The following MTHFD1L variants were observed in gnomAD, a reference collection of about 807,000 sequenced individuals.
MTHFD1L encodes monofunctional C1-tetrahydrofolate synthase, mitochondrial.
MTHFD1L carries 81 observed loss-of-function variants against 119.5 expected under a neutral mutation model. The ratio of observed to expected loss-of-function variants is 0.68; its 90% CI spans 0.57 to 0.82. The LOEUF is 0.82. MTHFD1L is among the 40% of genes least tolerant of loss of function. The pLI is 0.00. For missense variants in MTHFD1L, 1,125 were observed against 1,253.4 expected, an observed-to-expected ratio of 0.90 and a Z score of 1.55; for synonymous variants, 430 against 475.2, an observed-to-expected ratio of 0.90 and a Z score of 1.24.
chr6:150,985,281 G>C (rs2128429338), intron 20 of MTHFD1L: 1 of 152,178 alleles, frequency 6.6e-6, no homozygotes, highest in Middle Eastern at 3.4e-3. Context: ...TCTGATAATG[G>C]GAAACAGTGC....
At chr6:151,099,213 C>T (rs532602816) in intron 27 of MTHFD1L, among the ~76,000 whole-genome samples, 1 of 151,252 alleles carries the variant, frequency 6.6e-6, no homozygotes, top group Non-Finnish European at 1.5e-5. Flanking sequence ...ATACTCTAAG[C>T]ACCTTTAGAC....
At chr6:150,874,961 G>A (rs1225197258) in intron 1 of MTHFD1L, among the ~76,000 whole-genome samples, 1 of 151,952 alleles carries the variant, frequency 6.6e-6, no homozygotes, top group Non-Finnish European at 1.5e-5. Flanking sequence ...TATTGGCCAC[G>A]GTGGTCTTGA....
chr6:150,964,650 G>A (rs1196674491), intron 18 of MTHFD1L, among the ~76,000 whole-genome samples: 1 of 152,172 alleles, frequency 6.6e-6, no homozygotes, highest in Non-Finnish European at 1.5e-5. Context: ...TGCATAAATA[G>A]CCAGAAAACA....
chr6:151,038,874 A>C (rs1421892880), intron 26 of MTHFD1L, among the ~76,000 whole-genome samples: 1 of 152,176 alleles, frequency 6.6e-6, no homozygotes, highest in East Asian at 1.9e-4. Context: ...TGGAAAGGAC[A>C]CGGGAGAAGG....
chr6:151,041,555 A>G (rs2128551315), intron 26 of MTHFD1L, among the ~76,000 whole-genome samples: 1 of 152,342 alleles, frequency 6.6e-6, no homozygotes, highest in Middle Eastern at 3.4e-3. Context: ...CTGAGACCTC[A>G]GGATCAGAAA....
At chr6:150,869,122 A>G (rs1463733213) in intron 1 of MTHFD1L, among the ~76,000 whole-genome samples, 1 of 152,182 alleles carries the variant, frequency 6.6e-6, no homozygotes, top group Admixed American at 6.5e-5. Flanking sequence ...ATGCTTTTGC[A>G]CACTTAATAG....
At chr6:151,089,142 C>T (rs1314970289) in intron 26 of MTHFD1L, among the ~76,000 whole-genome samples, 1 of 152,182 alleles carries the variant, frequency 6.6e-6, no homozygotes, top group African/African-American at 2.4e-5. Flanking sequence ...CCATAGAGTC[C>T]AGTGACATCC....
At chr6:150,908,371 C>G (rs1398145331) in intron 8 of MTHFD1L, among the ~76,000 whole-genome samples, 1 of 151,610 alleles carries the variant, frequency 6.6e-6, no homozygotes, top group African/African-American at 2.4e-5. Flanking sequence ...GCCTGTAATC[C>G]TAACACTTTG....
intron 27 of MTHFD1L, among the ~76,000 whole-genome samples, chr6:151,094,825 G>T (rs1794758267): frequency 6.6e-6 from 1 of 150,426 alleles, no homozygotes; most frequent in Non-Finnish European, 1.5e-5. Context: ...ATTACAGGCG[G>T]GAGCCACCAC....
At chr6:150,964,128 G>T (rs901914222) in intron 18 of MTHFD1L, among the ~76,000 whole-genome samples, 4 of 152,144 alleles carry the variant, frequency 2.6e-5, no homozygotes, top group Non-Finnish European at 4.4e-5. Flanking sequence ...TCCAGCCTGG[G>T]CAACAGAGAG....
At position 150,922,312 on chromosome 6, in the gene MTHFD1L, G is replaced by T. The variant is rs73013121; in HGVS notation, c.1082+10G>T. The T allele has an allele frequency of 1.9e-6, 3 of 1,610,892 alleles. No homozygotes were observed. The highest frequency in any genetic ancestry group is 1.7e-6 in the Non-Finnish European group (2 of 1,177,294). On this transcript the variant is annotated intron_variant, in intron 10 of 27. Coordinates refer to ENST00000367321, the MANE Select transcript of MTHFD1L (RefSeq NM_015440.5). ...TCTCCCCTGTGCCAAGGTAACACTG[G>T]TGTTTTATTTACACTGATGTCAGCT... is the stretch of plus-strand genomic sequence containing the variant.
intron 15 of MTHFD1L, among the ~76,000 whole-genome samples, chr6:150,948,380 C>T (rs957301944): frequency 2.0e-5 from 3 of 151,950 alleles, no homozygotes; most frequent in African/African-American, 4.8e-5. Context: ...AGTGCAGTGG[C>T]AGGATCTCAG....
chr6:150,917,285 A>T (rs1788140654), intron 8 of MTHFD1L, among the ~76,000 whole-genome samples: 1 of 151,950 alleles, frequency 6.6e-6, no homozygotes. Context: ...GCACTTTGGG[A>T]GGCCGAGGTG....
intron 26 of MTHFD1L, among the ~76,000 whole-genome samples, chr6:151,070,652 C>T (rs925528002): frequency 6.6e-6 from 1 of 152,154 alleles, no homozygotes; most frequent in Non-Finnish European, 1.5e-5. Flanking sequence ...CAAAACCAGC[C>T]GTACTCAATA....
chr6:150,958,911 A>G (rs1256913374), intron 17 of MTHFD1L, among the ~76,000 whole-genome samples: 1 of 152,246 alleles, frequency 6.6e-6, no homozygotes, highest in African/African-American at 2.4e-5. Flanking sequence ...TAACAATTAC[A>G]AATGAAGAGC....
At chr6:150,896,138 G>T (rs1784168389) in intron 7 of MTHFD1L, among the ~76,000 whole-genome samples, 1 of 152,136 alleles carries the variant, frequency 6.6e-6, no homozygotes. Flanking sequence ...TCCCATGTCA[G>T]CTCTTATTCC....
intron 26 of MTHFD1L, among the ~76,000 whole-genome samples, chr6:151,062,851 G>A (rs140722832): frequency 6.8e-4 from 103 of 151,878 alleles, no homozygotes; most frequent in African/African-American, 2.3e-3. Context: ...ATATACAGCT[G>A]TTGCTCTTTA....
chr6:151,013,886 G>C, intron 22 of MTHFD1L, 66 bp downstream of exon 22: 2 of 1,394,200 alleles, frequency 1.4e-6, no homozygotes, highest in South Asian at 2.4e-5. Flanking sequence ...TTGGCTTTCA[G>C]TGAATGAGCC....
intron 19 of MTHFD1L, among the ~76,000 whole-genome samples, chr6:150,966,261 C>G (rs544920628): frequency 1.3e-4 from 20 of 152,208 alleles, no homozygotes; most frequent in Admixed American, 1.1e-3. Flanking sequence ...CCTCAGGAAA[C>G]TTATCATGGT....
Sources: gnomAD v4.1 joint callset for allele counts (sites outside exome capture counted in the v4.1 genomes callset) on GRCh38, gnomAD v4.1.1 for gene constraint, MANE v1.5 for transcripts, NCBI Gene and HGNC (gene_info 2026-07-23, HGNC 2026-07-21) for gene names.